RANBP10: variants seen among roughly 807,000 people sequenced by gnomAD.
RANBP10 encodes ran-binding protein 10.
A neutral mutation model predicts 72.8 loss-of-function variants in RANBP10; 24 were observed. The observed-to-expected ratio is 0.33, with a 90% confidence interval of 0.24 to 0.46. RANBP10 has a LOEUF of 0.46. Ranked by LOEUF, RANBP10 falls within the 20% of genes least tolerant of loss-of-function variation. RANBP10 has a pLI of 1.00. For missense variants in RANBP10, 679 were observed against 817.5 expected (o/e 0.83, Z 2.07); for synonymous variants, 310 against 322.3 (o/e 0.96, Z 0.41).
At chr16:67,756,937 G>A (rs2054296582) in intron 3 of RANBP10, among the ~76,000 whole-genome samples, 1 of 151,976 alleles carries the variant, frequency 6.6e-6, no homozygotes, top group East Asian at 1.9e-4. Flanking sequence ...AGGCGCAGTG[G>A]CTCACGCCTG....
intron 3 of RANBP10, among the ~76,000 whole-genome samples, chr16:67,754,278 T>TGG (rs967491215): frequency 5.9e-5 from 9 of 152,296 alleles, no homozygotes; most frequent in African/African-American, 2.2e-4. Context: ...AGGGACTTCG[T>TGG]GGCTCCTTCT....
chr16:67,729,057 G>T lies in RANBP10; in HGVS notation c.1352+223C>A, dbSNP rs1384038633. Among the ~76,000 whole-genome samples the T allele has an allele frequency of 6.6e-6, 1 of 152,252 alleles. No homozygotes were observed. Among genetic ancestry groups the T allele is most frequent in the Non-Finnish European group, 1.5e-5 (1 of 68,046 alleles). ...ACCACATCCTCAGCCTGGCATCATT[G>T]GAGCCTCTGGAGAAAGCCAAGGCCA... On this transcript the variant is annotated intron_variant, in intron 10 of 13. Transcript: ENST00000317506. The surrounding 1 kb of genome is among the most constrained non-coding windows in gnomAD (Gnocchi z 7.1).
In RANBP10 at chr16:67,729,141, TG is replaced by T; in HGVS notation, c.1352+138del. 6.9e-7 allele frequency: 1 copy of T among 1,456,530 alleles called. No homozygotes were observed. The highest frequency in any genetic ancestry group is 9.2e-7 in the Non-Finnish European group (1 of 1,084,932). 90.2% of individuals were successfully genotyped at this position (1,456,530 alleles called of 1,614,324 possible). A position where few individuals can be genotyped will look rare whatever the true frequency, so the allele number is the denominator to read the frequency against. On this transcript the variant is annotated intron_variant, in intron 10 of 13. Coordinates refer to ENST00000317506, the MANE Select transcript of RANBP10 (RefSeq NM_020850.3). The surrounding 1 kb of genome is among the most constrained non-coding windows in gnomAD (Gnocchi z 7.1). The stretch of plus-strand genomic sequence containing the variant: ...AAGCCAGAGCTGATGTCTGGCCCGG[TG>T]GGCCAAAAATTAGGACTCCAGGCAC...
At chr16:67,761,266 C>T (rs1014046526) in intron 3 of RANBP10, among the ~76,000 whole-genome samples, 1 of 152,226 alleles carries the variant, frequency 6.6e-6, no homozygotes, top group African/African-American at 2.4e-5. Flanking sequence ...GCACCACAGC[C>T]TCACTGGAGA....
At chr16:67,755,504 C>T (rs542962435) in intron 3 of RANBP10, among the ~76,000 whole-genome samples, 3 of 151,944 alleles carry the variant, frequency 2.0e-5, no homozygotes, top group African/African-American at 7.2e-5. Flanking sequence ...GCCAAGATGG[C>T]GAAACCCCTT....
intron 3 of RANBP10, among the ~76,000 whole-genome samples, chr16:67,753,490 T>C (rs927048584): frequency 3.3e-5 from 5 of 151,982 alleles, no homozygotes; most frequent in African/African-American, 1.2e-4. Context: ...ATTCTATTTA[T>C]AAAAGAAAAG....
rs952497363 is a variant in RANBP10 at position 67,724,332 on chromosome 16, T to C, written c.*2096A>G. 2 of 152,226 alleles carry C rather than the reference T, an allele frequency of 1.3e-5. No individual in the cohort carries two copies. Among genetic ancestry groups the C allele is most frequent in the Non-Finnish European group, 2.9e-5 (2 of 68,036 alleles). 9.4% of individuals were successfully genotyped at this position (152,226 alleles called of 1,614,324 possible). Reference sequence around the variant, plus strand: ...CTGCTACTAATTTGCTATGTGACTTTAGCCAAGTCACTTAATCTCCTGGGC... The same window carrying C: ...CTGCTACTAATTTGCTATGTGACTTCAGCCAAGTCACTTAATCTCCTGGGC... On this transcript the variant is annotated 3_prime_UTR_variant, in exon 14 of 14. Coordinates refer to ENST00000317506, the MANE Select transcript of RANBP10 (RefSeq NM_020850.3).
chr16:67,760,546 A>T (rs2054377098), intron 3 of RANBP10, among the ~76,000 whole-genome samples: 1 of 152,186 alleles, frequency 6.6e-6, no homozygotes, highest in Admixed American at 6.5e-5. Flanking sequence ...CTGTGGAAGC[A>T]AAGCAGACAG....
At chr16:67,781,259 C>T (rs932629808) in intron 2 of RANBP10, among the ~76,000 whole-genome samples, 2 of 152,204 alleles carry the variant, frequency 1.3e-5, no homozygotes, top group African/African-American at 4.8e-5. Context: ...GATCTCAGGA[C>T]ATCTAAAACA....
In RANBP10 at chr16:67,724,684, G is replaced by A. The variant is rs1015295518; in HGVS notation, c.*1744C>T. The A allele has an allele frequency of 6.6e-6, 1 of 152,246 alleles. No homozygotes were observed. Among genetic ancestry groups the A allele is most frequent in the African/African-American group, 2.4e-5 (1 of 41,464 alleles). The allele number at this position is 152,246 out of a possible 1,614,324, so 9.4% of individuals were successfully genotyped here. ...CAGGGCCCTGGCCCCATCACCAGCA[G>A]TTGGTCCAATTCAAACATTTTTCTT... On this transcript the variant is annotated 3_prime_UTR_variant, in exon 14 of 14. Transcript: ENST00000317506.
At chr16:67,802,096 A>C (rs1418961612) in intron 2 of RANBP10, among the ~76,000 whole-genome samples, 1 of 77,292 alleles carries the variant, frequency 1.3e-5, no homozygotes, top group African/African-American at 1.8e-4. Context: ...CCCTGCCTCA[A>C]AAAAAAAAAA....
Position 67,726,659 on chromosome 16 carries a change from C to T in RANBP10, c.1733-101G>A, listed in dbSNP as rs2053607802. ...AAGGAGGGGGCAGTGGACAGATTCTCTTGGAACAGAGTGTTCAGTACCTCT... is the reference window on the plus strand; with the variant it reads ...AAGGAGGGGGCAGTGGACAGATTCTTTTGGAACAGAGTGTTCAGTACCTCT... On this transcript the variant is annotated intron_variant, in intron 13 of 13. Transcript: ENST00000317506. 2.9e-6 allele frequency: 4 copies of T among 1,371,334 alleles called. No individual in the cohort carries two copies. The African/African-American group carries it at 4.4e-5, about 15-fold the overall frequency. The allele number at this position is 1,371,334 out of a possible 1,614,324, so 84.9% of individuals were successfully genotyped here.
At chr16:67,754,636 GC>G in intron 3 of RANBP10, among the ~76,000 whole-genome samples, 2 of 152,312 alleles carry the variant, frequency 1.3e-5, no homozygotes, top group Non-Finnish European at 2.9e-5. Flanking sequence ...CTTAGCCCCG[GC>G]CCCATATTTT....
In RANBP10 at chr16:67,724,444, A is replaced by G. The variant is rs976678392; in HGVS notation, c.*1984T>C. On this transcript the variant is annotated 3_prime_UTR_variant, in exon 14 of 14. Transcript: ENST00000317506. ...TGCAAAAGCCTGTGGTTTTAATCCA[A>G]TCCTGCTAGGCTATGATCATTTAAA... 6 of 152,186 alleles carry G rather than the reference A, an allele frequency of 3.9e-5. No individual in the cohort carries two copies. The highest frequency in any genetic ancestry group is 1.4e-4 in the African/African-American group (6 of 41,436). 9.4% of individuals were successfully genotyped at this position (152,186 alleles called of 1,614,324 possible).
At chr16:67,803,851 AGAG>A (rs1166371081) in intron 2 of RANBP10, among the ~76,000 whole-genome samples, 3 of 146,008 alleles carry the variant, frequency 2.1e-5, no homozygotes, top group African/African-American at 7.7e-5. Context: ...AAAAAAAAAA[AGAG>A]AGAGAGAGAG....
chr16:67,789,873 C>T (rs746882767), intron 2 of RANBP10, among the ~76,000 whole-genome samples: 10 of 151,720 alleles, frequency 6.6e-5, no homozygotes, highest in Non-Finnish European at 1.2e-4. Flanking sequence ...CCAAGACAGG[C>T]GGATCACGAG....
intron 3 of RANBP10, among the ~76,000 whole-genome samples, chr16:67,755,019 A>G (rs930469823): frequency 5.9e-5 from 9 of 152,218 alleles, no homozygotes; most frequent in Middle Eastern, 3.4e-3. Flanking sequence ...TCATGTAAAT[A>G]ACACTTCTCC....
intron 2 of RANBP10, among the ~76,000 whole-genome samples, chr16:67,783,782 G>A (rs573923381): frequency 2.6e-5 from 4 of 152,266 alleles, no homozygotes; most frequent in East Asian, 1.9e-4. Context: ...GGTGGCTCAC[G>A]CCTATAATCC....
chr16:67,790,711 A>AT (rs1201970206), intron 2 of RANBP10, among the ~76,000 whole-genome samples: 3 of 151,536 alleles, frequency 2.0e-5, no homozygotes, highest in Non-Finnish European at 4.4e-5. Context: ...TTATTTTTTT[A>AT]TTTTTTGAGA....
Sources: gnomAD v4.1 joint callset for allele counts (sites outside exome capture counted in the v4.1 genomes callset) on GRCh38, gnomAD v4.1.1 for gene constraint, Gnocchi (gnomAD v3.1) non-coding constraint, MANE v1.5 for transcripts, NCBI Gene and HGNC (gene_info 2026-07-23, HGNC 2026-07-21) for gene names.